Variants in BCL7C observed in about 807,000 individuals in gnomAD.
The protein encoded by BCL7C is B-cell CLL/lymphoma 7 protein family member C.
In BCL7C, 8 loss-of-function variants were observed where a neutral mutation model predicts 26.2. That is an observed-to-expected ratio of 0.30 (90% CI 0.18 to 0.55). BCL7C has a LOEUF of 0.55. Among genes scored for constraint, BCL7C ranks in the 20% least tolerant of loss-of-function variants. BCL7C has a pLI of 0.93. For missense variants in BCL7C, 262 were observed against 298.5 expected (o/e 0.88, Z 0.90); for synonymous variants, 90 against 116.5 (o/e 0.77, Z 1.47).
rs1187827463 is a variant in BCL7C, at chr16:30,879,689, C to CAAAAAAAAAAAAAAAAAAAAAAAA, written c.528+9170_528+9171insTTTTTTTTTTTTTTTTTTTTTTTT. On this transcript the variant is annotated intron_variant, in intron 5 of 5. Transcript: ENST00000380317. ...AACACAGAGAGACTCCCCTTCTCTA[C>CAAAAAAAAAAAAAAAAAAAAAAAA]AAAAAAAAAAAAAAAAAAAACTGGG... 5.1e-3 allele frequency among the ~76,000 whole-genome samples: 149 copies of CAAAAAAAAAAAAAAAAAAAAAAAA among 29,394 alleles called. 59 individuals carry two copies. The highest frequency in any genetic ancestry group is 0.026 in the South Asian group (7 of 272). The allele number at this position is 29,394 out of a possible 152,430, so 19.3% of individuals were successfully genotyped here. A position where few individuals can be genotyped will look rare whatever the true frequency, so the allele number is the denominator to read the frequency against.
At chr16:30,862,038 G>A (rs551464340) in intron 5 of BCL7C, among the ~76,000 whole-genome samples, 1 of 151,750 alleles carries the variant, frequency 6.6e-6, no homozygotes, top group East Asian at 1.9e-4. Flanking sequence ...TTTTAGTAGC[G>A]ACAGGGTTTA....
intron 5 of BCL7C, among the ~76,000 whole-genome samples, chr16:30,868,765 A>C (rs555737255): frequency 3.4e-4 from 52 of 152,124 alleles, no homozygotes; most frequent in African/African-American, 1.2e-3. Flanking sequence ...AGCCTGGGCA[A>C]CAAGAGCGAA....
rs1209267417 is a variant in BCL7C, at chr16:30,841,886, C to T, written c.529-6738G>A. Among the ~76,000 whole-genome samples the T allele has an allele frequency of 7.2e-5, 10 of 138,686 alleles. No individual in the cohort carries two copies. In the East Asian group the frequency reaches 1.1e-3, roughly 16 times the overall value. The allele number at this position is 138,686 out of a possible 152,430, so 91.0% of individuals were successfully genotyped here. On this transcript the variant is annotated intron_variant, in intron 5 of 5. Transcript: ENST00000380317. Reference sequence around the variant, plus strand: ...AGGAGAATGGCATGAACCTGGGAGGCGGAGCTTGCAGTGAGCCGAGATCAT... The same window carrying T: ...AGGAGAATGGCATGAACCTGGGAGGTGGAGCTTGCAGTGAGCCGAGATCAT...
At chr16:30,848,832 C>T (rs1014017393) in intron 5 of BCL7C, among the ~76,000 whole-genome samples, 4 of 149,302 alleles carry the variant, frequency 2.7e-5, no homozygotes, top group African/African-American at 9.9e-5. Context: ...GCAGAGGTTG[C>T]AGTGAGCCAA....
At chr16:30,839,642 T>C (rs1467861251) in intron 5 of BCL7C, among the ~76,000 whole-genome samples, 1 of 152,338 alleles carries the variant, frequency 6.6e-6, no homozygotes, top group East Asian at 1.9e-4. Flanking sequence ...TCCAGAGAGC[T>C]GCCACTACCC....
chr16:30,842,945 C>T, intron 5 of BCL7C, among the ~76,000 whole-genome samples: 1 of 152,160 alleles, frequency 6.6e-6, no homozygotes, highest in East Asian at 1.9e-4. Context: ...TGCACCTGGC[C>T]AAAATGGTTT....
Position 30,893,879 on chromosome 16 carries a change from C to T in BCL7C, c.66G>A (p.Met22Ile), listed in dbSNP as rs1184622230. The change falls in exon 1 of 6, where the codon ATG (methionine) becomes ATA (isoleucine). Residue 22 changes from methionine (M) to isoleucine (I), a missense_variant. Coordinates refer to ENST00000215115, the MANE Select transcript of BCL7C (RefSeq NM_004765.4). The surrounding 1 kb of genome is among the most constrained non-coding windows in gnomAD (Gnocchi z 5.2). Reference sequence around the variant, plus strand: ...ATCTCCGGACCTTCTCGATGGTCGCCATCACCTTCTTGATGTCATCCTTGG... The same window carrying T: ...ATCTCCGGACCTTCTCGATGGTCGCTATCACCTTCTTGATGTCATCCTTGG... ...SRAKDDIKKV[M>I]ATIEKVRRWE... 3 of 1,600,770 alleles carry T rather than the reference C, an allele frequency of 1.9e-6. No individual in the cohort carries two copies. The highest frequency in any genetic ancestry group is 2.5e-6 in the Non-Finnish European group (3 of 1,178,496).
chr16:30,893,715 G>A lies in BCL7C; in HGVS notation c.92+138C>T. The A allele has an allele frequency of 1.4e-6, 1 of 723,792 alleles. No individual in the cohort carries two copies. The highest frequency in any genetic ancestry group is 2.4e-6 in the Non-Finnish European group (1 of 424,978). The allele number at this position is 723,792 out of a possible 1,614,324, so 44.8% of individuals were successfully genotyped here. On this transcript the variant is annotated intron_variant, in intron 1 of 5. Transcript: ENST00000215115. The surrounding 1 kb of genome is among the most constrained non-coding windows in gnomAD (Gnocchi z 5.2). ...GAGTAGCCAGGCGAACGGGGACAGA[G>A]CCCTGTGGATCCAGGGCAAAGCTAG... is the stretch of plus-strand genomic sequence containing the variant.
At chr16:30,875,857 T>G (rs1399635473) in intron 5 of BCL7C, 1 of 152,248 alleles carries the variant, frequency 6.6e-6, no homozygotes, top group Admixed American at 6.5e-5. Context: ...GGTTGAAAGA[T>G]GGATGACCCC....
intron 5 of BCL7C, among the ~76,000 whole-genome samples, chr16:30,872,365 T>C (rs925761984): frequency 6.6e-6 from 1 of 152,078 alleles, no homozygotes; most frequent in African/African-American, 2.4e-5. Context: ...ACAGGTGGAA[T>C]AGGGCAGAAG....
intron 5 of BCL7C, chr16:30,851,275 C>T (rs2054672290): frequency 4.0e-6 from 1 of 249,534 alleles, no homozygotes; most frequent in South Asian, 5.1e-5. Flanking sequence ...AAGTCTCACT[C>T]TGTCGCCCAG....
At chr16:30,880,157 G>T (rs2055020763) in intron 5 of BCL7C, among the ~76,000 whole-genome samples, 1 of 151,684 alleles carries the variant, frequency 6.6e-6, no homozygotes, top group African/African-American at 2.4e-5. Context: ...CTTGGGGGAG[G>T]ACAGACATTG....
chr16:30,888,152 A>G (rs139294330), intron 5 of BCL7C, among the ~76,000 whole-genome samples, 162 bp from the exon 6 acceptor site: 4,887 of 151,950 alleles, frequency 0.032, 107 homozygotes, highest in Non-Finnish European at 0.05. Context: ...ACCAAAAACA[A>G]CAACGACAGT....
At chr16:30,855,842 CCT>C (rs1238631252) in intron 5 of BCL7C, among the ~76,000 whole-genome samples, 1 of 151,390 alleles carries the variant, frequency 6.6e-6, no homozygotes, top group East Asian at 2.0e-4. Context: ...AGGTGGATCA[CCT>C]GAGGTCGGGA....
At chr16:30,866,027 G>A (rs527892793) in intron 5 of BCL7C, among the ~76,000 whole-genome samples, 53 of 151,774 alleles carry the variant, frequency 3.5e-4, no homozygotes, top group Admixed American at 2.6e-3. Context: ...GAGCCACCTC[G>A]CCCGGCCATA....
In BCL7C at chr16:30,893,995, C is replaced by T; in HGVS notation, c.-51G>A. On this transcript the variant is annotated 5_prime_UTR_variant, in exon 1 of 6. Transcript: ENST00000215115. The surrounding 1 kb of genome is among the most constrained non-coding windows in gnomAD (Gnocchi z 5.2). ...AGCCCGCGGCGGGGCCGCCTCCCGT[C>T]CGGCGGGCTCAGGCTCCGCGCCAGG... 1 of 1,022,326 alleles carries T rather than the reference C, an allele frequency of 9.8e-7. No homozygotes were observed. 63.3% of individuals were successfully genotyped at this position (1,022,326 alleles called of 1,614,324 possible). A position where few individuals can be genotyped will look rare whatever the true frequency, so the allele number is the denominator to read the frequency against.
At position 30,871,993 on chromosome 16, in the gene BCL7C, G is replaced by T. The variant is rs189545229; in HGVS notation, c.528+16867C>A. Among the ~76,000 whole-genome samples the T allele has an allele frequency of 2.8e-3, 432 of 152,192 alleles. 3 individuals are homozygous for T. Among genetic ancestry groups the T allele is most frequent in the African/African-American group, 8.9e-3 (369 of 41,528 alleles). ...TTGAACAAGAGCATGGCAGGACCTG[G>T]TTGTTTTGCTTATCTTCTATATGCT... On this transcript the variant is annotated intron_variant, in intron 5 of 5. Transcript: ENST00000380317.
Position 30,888,844 on chromosome 16 carries a change from T to G in BCL7C, c.528+16A>C, listed in dbSNP as rs1489133823. On this transcript the variant is annotated intron_variant, in intron 5 of 5. Transcript: ENST00000215115. The stretch of plus-strand genomic sequence containing the variant: ...CCCTCCAAGACCCAGGAGTCCAGCC[T>G]TCTGGCCTCTCTCACCTCAGCTTCC... 6.2e-7 allele frequency: 1 copy of G among 1,613,446 alleles called. No individual in the cohort carries two copies. The highest frequency in any genetic ancestry group is 1.3e-5 in the African/African-American group (1 of 75,044).
chr16:30,874,206 G>T (rs1448188643), intron 5 of BCL7C, among the ~76,000 whole-genome samples: 1 of 151,920 alleles, frequency 6.6e-6, no homozygotes, highest in Non-Finnish European at 1.5e-5. Flanking sequence ...ATGTTGGCCA[G>T]ACTGGTCTTG....
Sources: allele counts gnomAD v4.1 joint callset (sites outside exome capture counted in the v4.1 genomes callset), GRCh38; gene constraint gnomAD v4.1.1; non-coding constraint Gnocchi (gnomAD v3.1); transcripts MANE v1.5; gene names NCBI Gene and HGNC (gene_info 2026-07-23, HGNC 2026-07-21).